The following RASGRF2 variants were observed in gnomAD, a reference collection of about 807,000 sequenced individuals.
The protein encoded by RASGRF2 is ras-specific guanine nucleotide-releasing factor 2.
In RASGRF2, 76 loss-of-function variants were observed where a neutral mutation model predicts 151.0. The ratio of observed to expected loss-of-function variants is 0.50; its 90% CI spans 0.42 to 0.61. The LOEUF (loss-of-function observed/expected upper bound fraction) is 0.61, where lower values mean the gene tolerates loss of function less well. RASGRF2 is among the 20% of genes least tolerant of loss of function. The pLI, the probability that RASGRF2 is intolerant of heterozygous loss-of-function variation, is 0.00. For synonymous variants in RASGRF2, 504 were observed against 566.5 expected, an observed-to-expected ratio of 0.89 and a Z score of 1.57; for missense variants, 1,148 against 1,564.6, an observed-to-expected ratio of 0.73 and a Z score of 4.49.
At chr5:81,034,738 A>G (rs550288414) in intron 1 of RASGRF2, among the ~76,000 whole-genome samples, 2 of 149,082 alleles carry the variant, frequency 1.3e-5, no homozygotes, top group East Asian at 3.9e-4. Context: ...TCATAGGTGG[A>G]AATTGAACAA....
intron 1 of RASGRF2, among the ~76,000 whole-genome samples, chr5:80,995,698 T>C (rs1221393373): frequency 9.8e-5 from 12 of 121,844 alleles, no homozygotes; most frequent in East Asian, 2.8e-4. Context: ...CCCCCCTTTT[T>C]TTTTTTTTTT....
chr5:81,017,958 A>G (rs556443994), intron 1 of RASGRF2, among the ~76,000 whole-genome samples: 28 of 152,218 alleles, frequency 1.8e-4, no homozygotes, highest in Admixed American at 1.8e-3. Flanking sequence ...ACAACAAAAA[A>G]ATTAGCCGGA....
intron 1 of RASGRF2, among the ~76,000 whole-genome samples, chr5:81,008,539 G>A (rs903815698): frequency 5.9e-5 from 9 of 152,144 alleles, no homozygotes; most frequent in Admixed American, 1.3e-4. Context: ...TGCTTTATGA[G>A]TGCCTAATTT....
At chr5:81,074,379 T>A (rs981486685) in intron 5 of RASGRF2, among the ~76,000 whole-genome samples, 2 of 152,202 alleles carry the variant, frequency 1.3e-5, no homozygotes, top group Non-Finnish European at 2.9e-5. Flanking sequence ...TTTAGCTATT[T>A]GTTTTTGAGT....
intron 1 of RASGRF2, among the ~76,000 whole-genome samples, chr5:81,023,677 A>G (rs564349637): frequency 6.6e-6 from 1 of 152,286 alleles, no homozygotes; most frequent in Non-Finnish European, 1.5e-5. Context: ...CTTTGGATGT[A>G]CTCTGCTAAT....
At chr5:81,166,301 C>G (rs1253012788) in intron 17 of RASGRF2, among the ~76,000 whole-genome samples, 1 of 152,096 alleles carries the variant, frequency 6.6e-6, no homozygotes, top group Non-Finnish European at 1.5e-5. Context: ...ATTCTCCTGC[C>G]TCAGACTCCC....
At chr5:81,062,623 A>T (rs1325694274) in intron 2 of RASGRF2, among the ~76,000 whole-genome samples, 1 of 152,154 alleles carries the variant, frequency 6.6e-6, no homozygotes, top group Admixed American at 6.5e-5. Context: ...GAACATTTCC[A>T]TAGTGGTTAT....
At chr5:80,989,281 T>C (rs1166974276) in intron 1 of RASGRF2, among the ~76,000 whole-genome samples, 1 of 152,116 alleles carries the variant, frequency 6.6e-6, no homozygotes, top group Non-Finnish European at 1.5e-5. Flanking sequence ...ATATAATTGG[T>C]ATTTTTTTTT....
At chr5:81,161,331 A>G (rs756975652) in intron 17 of RASGRF2, among the ~76,000 whole-genome samples, 4 of 152,220 alleles carry the variant, frequency 2.6e-5, no homozygotes, top group Non-Finnish European at 5.9e-5. Context: ...AGAGCTGCAA[A>G]TTATCTTGCT....
intron 13 of RASGRF2, among the ~76,000 whole-genome samples, chr5:81,111,078 C>T (rs1752979235): frequency 1.3e-5 from 2 of 152,114 alleles, no homozygotes; most frequent in African/African-American, 4.8e-5. Context: ...TCCTTTTTAT[C>T]CGAAAGAAAA....
At chr5:80,983,120 A>C (rs891472187) in intron 1 of RASGRF2, among the ~76,000 whole-genome samples, 1 of 152,166 alleles carries the variant, frequency 6.6e-6, no homozygotes, top group Non-Finnish European at 1.5e-5. Context: ...CCCTTACTTG[A>C]TAACCTGTTC....
chr5:81,047,302 A>G (rs1750867671), intron 2 of RASGRF2, among the ~76,000 whole-genome samples: 1 of 152,200 alleles, frequency 6.6e-6, no homozygotes, highest in Admixed American at 6.5e-5. Flanking sequence ...ATAGAGAAGT[A>G]AGGTGTATCC....
intron 1 of RASGRF2, among the ~76,000 whole-genome samples, chr5:80,988,232 G>T (rs1163929018): frequency 6.6e-6 from 1 of 151,794 alleles, no homozygotes; most frequent in East Asian, 1.9e-4. Context: ...TGTATTTTTT[G>T]TAGAGACGAG....
In RASGRF2 at chr5:80,969,381, C is replaced by G. The variant is rs35979732; in HGVS notation, c.288+8355C>G. Among the ~76,000 whole-genome samples the G allele has an allele frequency of 9.4e-3, 1,425 of 150,994 alleles. 16 individuals carry two copies. Among genetic ancestry groups the G allele is most frequent in the Non-Finnish European group, 0.015 (1,044 of 67,662 alleles). ...GAACTCCTGACCTTGTGATCTGCCC[C>G]CCTTGGCCTCCCAAAGTGTTGGGTT... is the stretch of plus-strand genomic sequence containing the variant. On this transcript the variant is annotated intron_variant, in intron 1 of 26. Coordinates refer to ENST00000265080, the MANE Select transcript of RASGRF2 (RefSeq NM_006909.3).
At chr5:81,170,727 A>G (rs991443037) in intron 17 of RASGRF2, among the ~76,000 whole-genome samples, 5 of 152,138 alleles carry the variant, frequency 3.3e-5, no homozygotes, top group Admixed American at 1.3e-4. Context: ...TTTCTGTTCA[A>G]TATTGGAATT....
chr5:80,984,243 G>A (rs1386616610), intron 1 of RASGRF2, among the ~76,000 whole-genome samples: 7 of 152,132 alleles, frequency 4.6e-5, no homozygotes, highest in Non-Finnish European at 1.5e-5. Flanking sequence ...TAGTAGAGAT[G>A]GGGTTTTGCC....
chr5:81,197,410 T>C (rs906179467), intron 18 of RASGRF2, among the ~76,000 whole-genome samples: 3 of 128,814 alleles, frequency 2.3e-5, no homozygotes, highest in African/African-American at 8.8e-5. Context: ...GAGCCGAGAT[T>C]GCGCCACTGC....
In RASGRF2 at chr5:81,051,878, C is replaced by T. The variant is rs144738965; in HGVS notation, c.395+8895C>T. ...TGTCATTTGGTAACTCTATGTTTAA[C>T]TTTTTGAGGAGATGCCAAACTGTTT... is the stretch of plus-strand genomic sequence containing the variant. On this transcript the variant is annotated intron_variant, in intron 2 of 26. Coordinates refer to ENST00000265080, the MANE Select transcript of RASGRF2 (RefSeq NM_006909.3). Among the ~76,000 whole-genome samples the T allele has an allele frequency of 1.1e-4, 17 of 152,256 alleles. No individual in the cohort carries two copies. In the East Asian group the frequency reaches 3.3e-3, roughly 29 times the overall value.
intron 17 of RASGRF2, among the ~76,000 whole-genome samples, chr5:81,172,974 C>T (rs951302641): frequency 6.6e-6 from 1 of 152,152 alleles, no homozygotes; most frequent in African/African-American, 2.4e-5. Flanking sequence ...CTAGAACTAT[C>T]ACTGTCTCCA....
Sources: gnomAD v4.1 joint callset for allele counts (sites outside exome capture counted in the v4.1 genomes callset) on GRCh38, gnomAD v4.1.1 for gene constraint, MANE v1.5 for transcripts, NCBI Gene and HGNC (gene_info 2026-07-23, HGNC 2026-07-21) for gene names.